The following MTM1 variants were observed in gnomAD, a reference collection of about 807,000 sequenced individuals.
MTM1 encodes the protein myotubularin.
MTM1 carries 9 observed loss-of-function variants against 52.1 expected under a neutral mutation model. The observed-to-expected ratio is 0.17, with a 90% CI of 0.10 to 0.30. MTM1 has a LOEUF of 0.30. Ranked by LOEUF, MTM1 falls within the 10% of genes least tolerant of loss-of-function variation. MTM1 has a pLI of 1.00. For synonymous variants in MTM1, 136 were observed against 163.8 expected, an observed-to-expected ratio of 0.83 and a Z score of 1.29; for missense variants, 277 against 470.7, an observed-to-expected ratio of 0.59 and a Z score of 3.81.
chrX:150,585,080 A>AGAGT (rs2038760318), intron 1 of MTM1, among the ~76,000 whole-genome samples: 1 of 108,663 alleles, frequency 9.2e-6, no homozygotes, highest in African/African-American at 3.4e-5. Context: ...AGAGAGAGAG[A>AGAGT]GAGAGAAAGA....
At position 150,649,688 on chromosome X, in the gene MTM1, ATTGT is replaced by A. The variant is rs782544770; in HGVS notation, c.868-23_868-20del. 6.0e-5 allele frequency: 70 copies of A among 1,160,498 alleles called. No homozygotes were observed. The Middle Eastern group carries it at 7.1e-4, about 12-fold the overall frequency. On this transcript the variant is annotated intron_variant, in intron 9 of 14. Transcript: ENST00000370396. ...TCTGATGAAATAGAAAACTCAACTG[ATTGT>A]TTGTATTTCATGTTGTTTCTTAGGC...
intron 4 of MTM1, among the ~76,000 whole-genome samples, chrX:150,604,001 G>A (rs903980204): frequency 5.4e-5 from 6 of 111,644 alleles, no homozygotes; most frequent in Non-Finnish European, 1.1e-4. Flanking sequence ...AAGGAAGGGA[G>A]CAGACCATGG....
intron 4 of MTM1, among the ~76,000 whole-genome samples, chrX:150,599,609 T>C (rs782245369): frequency 8.9e-6 from 1 of 112,348 alleles, no homozygotes; most frequent in East Asian, 2.8e-4. Flanking sequence ...TTTGTATCTT[T>C]TAATCTTTTT....
At chrX:150,596,884 C>G (rs1557412621) in intron 3 of MTM1, 1 of 215,415 alleles carries the variant, frequency 4.6e-6, no homozygotes, top group Non-Finnish European at 8.4e-6. Context: ...GTTTTAAGAG[C>G]AAAATGATTT....
intron 6 of MTM1, among the ~76,000 whole-genome samples, chrX:150,634,329 A>G: frequency 8.9e-6 from 1 of 112,596 alleles, no homozygotes; most frequent in Non-Finnish European, 1.9e-5. Flanking sequence ...TCCAATCTAG[A>G]TGTTTTAAGG....
At chrX:150,663,680 A>G in intron 14 of MTM1, 71 bp downstream of exon 14, 2 of 996,726 alleles carry the variant, frequency 2.0e-6, no homozygotes, top group South Asian at 2.0e-5. Flanking sequence ...TTTGGTATGG[A>G]TTTTTTTTAA....
At chrX:150,660,597 A>ACAGT in intron 13 of MTM1, 113 bp downstream of exon 13, 1 of 521,129 alleles carries the variant, frequency 1.9e-6, no homozygotes, top group Non-Finnish European at 3.4e-6. Flanking sequence ...GACCTCAAAG[A>ACAGT]GTAGGAATTA....
At chrX:150,630,827 C>T (rs1335671369) in intron 6 of MTM1, among the ~76,000 whole-genome samples, 2 of 111,655 alleles carry the variant, frequency 1.8e-5, no homozygotes, top group African/African-American at 6.5e-5. Context: ...ATATTGTACT[C>T]ACAGGTATGG....
At chrX:150,631,557 C>A (rs1254814074) in intron 6 of MTM1, among the ~76,000 whole-genome samples, 3 of 104,858 alleles carry the variant, frequency 2.9e-5, no homozygotes, top group African/African-American at 1.1e-4. Context: ...CAGCTACTCA[C>A]GAGGCTGAGG....
intron 1 of MTM1, among the ~76,000 whole-genome samples, chrX:150,581,943 C>T (rs782602976): frequency 7.0e-4 from 79 of 112,075 alleles, no homozygotes; most frequent in African/African-American, 2.3e-3. Flanking sequence ...AAATGAAAGC[C>T]GTGATCATTA....
chrX:150,575,722 C>T (rs1033260060), intron 1 of MTM1, among the ~76,000 whole-genome samples: 1 of 112,273 alleles, frequency 8.9e-6, no homozygotes, highest in Non-Finnish European at 1.9e-5. Context: ...AATGTTTCAC[C>T]ATAAAGTATT....
chrX:150,646,873 A>G (rs1403886123), intron 9 of MTM1, among the ~76,000 whole-genome samples: 2 of 112,062 alleles, frequency 1.8e-5, no homozygotes, highest in Non-Finnish European at 3.8e-5. Flanking sequence ...TGTCTGGACT[A>G]GGATGTGTCA....
intron 1 of MTM1, among the ~76,000 whole-genome samples, chrX:150,579,914 GT>G (rs1175320037): frequency 1.8e-5 from 2 of 111,494 alleles, no homozygotes; most frequent in East Asian, 2.8e-4. Context: ...TATTCTAGTA[GT>G]TTTTTTGTAG....
At position 150,673,063 on chromosome X, in the gene MTM1, T is replaced by C. The variant is rs2040417984; in HGVS notation, c.*1468T>C. ...AAGCTAATACTAATAGCCTAAAAGA[T>C]TTTGTGAAATTTCATGAAAACTTTT... On this transcript the variant is annotated 3_prime_UTR_variant, in exon 15 of 15. Transcript: ENST00000370396. 1 of 112,176 alleles carries C rather than the reference T, an allele frequency of 8.9e-6. No individual in the cohort carries two copies. 9.2% of individuals were successfully genotyped at this position (112,176 alleles called of 1,213,427 possible).
chrX:150,606,527 T>G (rs2039160089), intron 4 of MTM1, among the ~76,000 whole-genome samples: 1 of 111,629 alleles, frequency 9.0e-6, no homozygotes, highest in Non-Finnish European at 1.9e-5. Flanking sequence ...TGACAAACCT[T>G]TCATGCTCTT....
intron 6 of MTM1, among the ~76,000 whole-genome samples, chrX:150,623,333 C>T (rs1479925688): frequency 9.0e-6 from 1 of 111,166 alleles, no homozygotes; most frequent in Non-Finnish European, 1.9e-5. Context: ...GTCGGGACCT[C>T]CTTTTATTAT....
intron 6 of MTM1, among the ~76,000 whole-genome samples, chrX:150,620,174 G>A (rs1247707886): frequency 2.7e-5 from 3 of 112,129 alleles, no homozygotes; most frequent in Non-Finnish European, 5.6e-5. Flanking sequence ...ATTAGGAAAT[G>A]TGTTCTGTCT....
intron 13 of MTM1, among the ~76,000 whole-genome samples, chrX:150,662,755 T>A (rs2040242936): frequency 1.0e-5 from 1 of 96,511 alleles, no homozygotes; most frequent in Non-Finnish European, 2.0e-5. Flanking sequence ...AATTCTTGTA[T>A]TTTTATTTCC....
At chrX:150,617,528 G>C (rs1340248969) in intron 5 of MTM1, among the ~76,000 whole-genome samples, 1 of 112,295 alleles carries the variant, frequency 8.9e-6, no homozygotes, top group East Asian at 2.8e-4. Context: ...TTTTAAAAAA[G>C]CATGGAATCG....
Sources: allele counts gnomAD v4.1 joint callset (sites outside exome capture counted in the v4.1 genomes callset), GRCh38; gene constraint gnomAD v4.1.1; transcripts MANE v1.5; gene names NCBI Gene and HGNC (gene_info 2026-07-23, HGNC 2026-07-21).